RANBP17: variants seen among roughly 807,000 people sequenced by gnomAD.
RANBP17 encodes ran-binding protein 17.
RANBP17 carries 158 observed loss-of-function variants against 141.2 expected under a neutral mutation model. The ratio of observed to expected loss-of-function variants is 1.12; its 90% confidence interval spans 0.98 to 1.28. RANBP17 has a LOEUF of 1.28. RANBP17 is among the 50% of genes most tolerant of loss of function. The pLI is 0.00. For synonymous variants in RANBP17, 430 were observed against 450.0 expected (o/e 0.96, Z 0.56); for missense variants, 1,438 against 1,290.7 (o/e 1.11, Z -1.75).
intron 16 of RANBP17, among the ~76,000 whole-genome samples, chr5:171,172,455 G>C (rs763298997): frequency 5.0e-4 from 75 of 150,880 alleles, no homozygotes; most frequent in Non-Finnish European, 8.9e-4. Context: ...CTTTTTACTG[G>C]AAAGTGATGT....
At chr5:170,874,071 T>G (rs1250648366) in intron 1 of RANBP17, among the ~76,000 whole-genome samples, 1 of 152,178 alleles carries the variant, frequency 6.6e-6, no homozygotes, top group African/African-American at 2.4e-5. Context: ...TTCATAGAAT[T>G]TCTTGATTTC....
At chr5:171,252,266 G>T in intron 24 of RANBP17, 1 of 1,559,320 alleles carries the variant, frequency 6.4e-7, no homozygotes, top group Admixed American at 1.7e-5. Context: ...CAAAATGGCC[G>T]CTTACCTAAT....
intron 14 of RANBP17, among the ~76,000 whole-genome samples, chr5:171,108,566 C>T (rs538541355): frequency 6.6e-6 from 1 of 152,190 alleles, no homozygotes; most frequent in South Asian, 2.1e-4. Flanking sequence ...CCGTGCATCA[C>T]CACGCCCTGA....
At chr5:170,988,521 A>C (rs1350431478) in intron 14 of RANBP17, among the ~76,000 whole-genome samples, 1 of 151,666 alleles carries the variant, frequency 6.6e-6, no homozygotes, top group East Asian at 1.9e-4. Flanking sequence ...TTAGTTACTA[A>C]ATTTTACGAC....
chr5:171,222,634 CT>C (rs925993652), intron 22 of RANBP17, among the ~76,000 whole-genome samples: 11 of 149,356 alleles, frequency 7.4e-5, no homozygotes, highest in African/African-American at 2.2e-4. Context: ...GCCTGTTATT[CT>C]TTTTTTTTTG....
chr5:170,914,314 A>C, intron 8 of RANBP17, 74 bp downstream of exon 8: 1 of 911,350 alleles, frequency 1.1e-6, no homozygotes, highest in Non-Finnish European at 1.7e-6. Context: ...TTACTTCAAA[A>C]ATTCTGTTTA....
intron 16 of RANBP17, among the ~76,000 whole-genome samples, chr5:171,177,212 C>A (rs1449599851): frequency 1.3e-5 from 2 of 152,158 alleles, no homozygotes; most frequent in African/African-American, 4.8e-5. Context: ...TTTATCTCCT[C>A]TGTTTGTTTG....
chr5:171,002,617 G>A (rs1303623310), intron 14 of RANBP17, among the ~76,000 whole-genome samples: 2 of 152,170 alleles, frequency 1.3e-5, no homozygotes, highest in Non-Finnish European at 2.9e-5. Context: ...CTTTGCAAGA[G>A]TGAAGGCCTG....
At chr5:171,153,578 T>G (rs1351402239) in intron 14 of RANBP17, among the ~76,000 whole-genome samples, 2 of 152,218 alleles carry the variant, frequency 1.3e-5, no homozygotes, top group Non-Finnish European at 2.9e-5. Context: ...AGATAACTGA[T>G]GAAATCTTGG....
chr5:171,238,933 A>C (rs1336540252), intron 22 of RANBP17, among the ~76,000 whole-genome samples: 1 of 152,120 alleles, frequency 6.6e-6, no homozygotes, highest in Non-Finnish European at 1.5e-5. Flanking sequence ...CTCTGATGGC[A>C]TTTGTCACAT....
chr5:171,181,333 C>T (rs1342662002), intron 16 of RANBP17, among the ~76,000 whole-genome samples: 1 of 152,098 alleles, frequency 6.6e-6, no homozygotes, highest in African/African-American at 2.4e-5. Context: ...GATTGTAGTC[C>T]TGGCTACTCG....
chr5:171,222,273 C>T lies in RANBP17; in HGVS notation c.2422+433C>T, dbSNP rs527509904. Among the ~76,000 whole-genome samples, 9 of 152,300 alleles carry T rather than the reference C, an allele frequency of 5.9e-5. No homozygotes were observed. In the East Asian group the frequency reaches 1.7e-3, roughly 29 times the overall value. ...TGAAGAACTTTTGGGTACTGCGCCT[C>T]TAGAAGCAGAGTTCTACAGGAAAGA... On this transcript the variant is annotated intron_variant, in intron 22 of 27. Coordinates refer to ENST00000523189, the MANE Select transcript of RANBP17 (RefSeq NM_022897.5).
In RANBP17 at chr5:171,198,161, A is replaced by G. The variant is rs570930517; in HGVS notation, c.2039-1509A>G. ...TTATTTCACCTGGGCCTTGAAAAAT[A>G]ACATCTGTATAGGTCTATGTTATCA... On this transcript the variant is annotated intron_variant, in intron 18 of 27. Transcript: ENST00000523189. Among the ~76,000 whole-genome samples the G allele has an allele frequency of 3.3e-5, 5 of 152,382 alleles. No homozygotes were observed. The South Asian group carries it at 1.0e-3, about 32-fold the overall frequency.
chr5:171,031,376 C>T (rs925797810), intron 14 of RANBP17, among the ~76,000 whole-genome samples: 2 of 151,892 alleles, frequency 1.3e-5, no homozygotes, highest in African/African-American at 4.8e-5. Flanking sequence ...TCGGACTATT[C>T]TATGTGTTGT....
chr5:171,298,196 C>G (rs928307471), intron 27 of RANBP17, among the ~76,000 whole-genome samples: 1 of 152,110 alleles, frequency 6.6e-6, no homozygotes, highest in Non-Finnish European at 1.5e-5. Context: ...GGTAACTACT[C>G]ATATTAGGTA....
At chr5:170,968,203 T>G (rs1776726057) in intron 13 of RANBP17, 39 bp from the exon 14 acceptor site, 1 of 1,447,316 alleles carries the variant, frequency 6.9e-7, no homozygotes, top group South Asian at 1.4e-5. Flanking sequence ...CTCTAAGGTT[T>G]TGTACTGAAG....
At chr5:170,939,396 TTTATTTAA>T (rs972851645) in intron 12 of RANBP17, among the ~76,000 whole-genome samples, 1 of 145,876 alleles carries the variant, frequency 6.9e-6, no homozygotes, top group Non-Finnish European at 1.5e-5. Context: ...TATTTATTTA[TTTATTTAA>T]GATGCAGTCT....
intron 14 of RANBP17, among the ~76,000 whole-genome samples, chr5:171,155,096 T>A (rs1236016226): frequency 0.081 from 6,571 of 81,434 alleles, 188 homozygotes; most frequent in African/African-American, 0.13. Flanking sequence ...AAAAAAAAAA[T>A]ATATATATAT....
rs140768017 is a variant in RANBP17 at position 170,873,171 on chromosome 5, T to G, written c.19-4926T>G. Among the ~76,000 whole-genome samples the G allele has an allele frequency of 3.7e-3, 560 of 152,276 alleles. 3 individuals carry two copies. The highest frequency in any genetic ancestry group is 0.013 in the African/African-American group (524 of 41,564). ...GGTGATCCACCCACCTTGGCCTCTC[T>G]AAGGGCTGGGATTACAGGCGTGAGC... On this transcript the variant is annotated intron_variant, in intron 1 of 27. Transcript: ENST00000523189.
Sources: gnomAD v4.1 joint callset for allele counts (sites outside exome capture counted in the v4.1 genomes callset) on GRCh38, gnomAD v4.1.1 for gene constraint, MANE v1.5 for transcripts, NCBI Gene and HGNC (gene_info 2026-07-23, HGNC 2026-07-21) for gene names.